The following CTNNA3 variants were observed in gnomAD, a reference collection of about 807,000 sequenced individuals.
CTNNA3 encodes the protein catenin alpha-3.
In CTNNA3, 76 loss-of-function variants were observed where a neutral mutation model predicts 95.7. That is an observed-to-expected ratio of 0.79 (90% CI 0.66 to 0.96). The LOEUF is 0.96. Among genes scored for constraint, CTNNA3 ranks in the 40% least tolerant of loss-of-function variants. The pLI is 0.00. For missense variants in CTNNA3, 1,191 were observed against 1,089.8 expected (o/e 1.09, Z -1.31); for synonymous variants, 431 against 374.4 (o/e 1.15, Z -1.74).
chr10:67,305,745 G>C (rs1464061455), intron 5 of CTNNA3, among the ~76,000 whole-genome samples: 1 of 152,162 alleles, frequency 6.6e-6, no homozygotes, highest in Non-Finnish European at 1.5e-5. Flanking sequence ...AGCTTCATTT[G>C]AGAGATTAGG....
chr10:66,534,787 T>C (rs1434250610), intron 10 of CTNNA3, among the ~76,000 whole-genome samples: 2 of 151,224 alleles, frequency 1.3e-5, no homozygotes, highest in East Asian at 3.9e-4. Flanking sequence ...AAATTAACTA[T>C]ACGAACTTCA....
intron 10 of CTNNA3, among the ~76,000 whole-genome samples, chr10:66,596,619 G>T (rs914155757): frequency 2.4e-4 from 37 of 152,130 alleles, no homozygotes; most frequent in African/African-American, 8.9e-4. Flanking sequence ...TAGAGTGGGT[G>T]CCTCTACATA....
chr10:67,177,343 A>T (rs1372894490), intron 7 of CTNNA3, among the ~76,000 whole-genome samples: 1 of 152,182 alleles, frequency 6.6e-6, no homozygotes, highest in Non-Finnish European at 1.5e-5. Context: ...GCCTGAGACA[A>T]ACATAAGCTG....
At chr10:66,924,101 C>T (rs1846935139) in intron 7 of CTNNA3, among the ~76,000 whole-genome samples, 1 of 152,214 alleles carries the variant, frequency 6.6e-6, no homozygotes, top group Non-Finnish European at 1.5e-5. Flanking sequence ...AAAGCACACA[C>T]TCTTCCATCC....
chr10:67,407,596 T>A (rs1845185652), intron 5 of CTNNA3, among the ~76,000 whole-genome samples: 1 of 152,142 alleles, frequency 6.6e-6, no homozygotes, highest in Admixed American at 6.6e-5. Context: ...AAATAATGTG[T>A]ATTCAAATAG....
intron 5 of CTNNA3, among the ~76,000 whole-genome samples, chr10:67,407,390 A>G (rs996495375): frequency 6.6e-6 from 1 of 152,198 alleles, no homozygotes; most frequent in Non-Finnish European, 1.5e-5. Flanking sequence ...AAAAGCTCTC[A>G]ATAAACTCGG....
intron 7 of CTNNA3, among the ~76,000 whole-genome samples, chr10:66,805,443 T>C (rs1589274471): frequency 6.6e-6 from 1 of 150,734 alleles, no homozygotes; most frequent in Non-Finnish European, 1.5e-5. Context: ...TATGTGTTCA[T>C]GATTTTTTCA....
At chr10:66,386,930 T>A (rs2092898030) in intron 11 of CTNNA3, among the ~76,000 whole-genome samples, 1 of 152,160 alleles carries the variant, frequency 6.6e-6, no homozygotes, top group African/African-American at 2.4e-5. Context: ...CCTTACACCT[T>A]GTACAAAAAT....
At chr10:65,991,921 C>T (rs1265812318) in intron 15 of CTNNA3, among the ~76,000 whole-genome samples, 6 of 151,946 alleles carry the variant, frequency 3.9e-5, no homozygotes, top group Non-Finnish European at 8.8e-5. Context: ...GGGGTATATT[C>T]CTTCTAAATC....
rs550713764 is a variant in CTNNA3 at position 66,821,815 on chromosome 10, T to G, written c.1048-46291A>C. On this transcript the variant is annotated intron_variant, in intron 7 of 17. Transcript: ENST00000433211. ...GTCTTTGCAACGGTTTCCACACCATTTGCTCTAGTCAACCAAAGCACCTTC... is the reference window on the plus strand; with the variant it reads ...GTCTTTGCAACGGTTTCCACACCATGTGCTCTAGTCAACCAAAGCACCTTC... Among the ~76,000 whole-genome samples the G allele has an allele frequency of 4.7e-4, 72 of 152,262 alleles. 1 individual carries two copies. The highest frequency in any genetic ancestry group is 3.7e-3 in the South Asian group (18 of 4,832).
At chr10:66,804,938 C>T (rs1841581985) in intron 7 of CTNNA3, among the ~76,000 whole-genome samples, 1 of 152,020 alleles carries the variant, frequency 6.6e-6, no homozygotes, top group Non-Finnish European at 1.5e-5. Context: ...AAGAGTAGTT[C>T]ACAGTGCCTA....
At chr10:66,826,048 G>T (rs1842495194) in intron 7 of CTNNA3, among the ~76,000 whole-genome samples, 1 of 152,168 alleles carries the variant, frequency 6.6e-6, no homozygotes, top group Non-Finnish European at 1.5e-5. Flanking sequence ...TAGGGGAGGA[G>T]TGAAAGGAAC....
intron 7 of CTNNA3, among the ~76,000 whole-genome samples, chr10:66,983,146 A>T (rs1411346822): frequency 1.3e-5 from 2 of 152,142 alleles, no homozygotes; most frequent in African/African-American, 4.8e-5. Flanking sequence ...CTAATGAGCA[A>T]ATTTTTTTAT....
At chr10:66,294,301 G>A (rs2091739258) in intron 12 of CTNNA3, among the ~76,000 whole-genome samples, 1 of 152,240 alleles carries the variant, frequency 6.6e-6, no homozygotes, top group Middle Eastern at 3.4e-3. Flanking sequence ...CTGTTCCAAT[G>A]AGAGTGTCTC....
chr10:67,237,122 G>GTGTATATATATATA (rs1554810757), intron 5 of CTNNA3, among the ~76,000 whole-genome samples: 1 of 79,610 alleles, frequency 1.3e-5, no homozygotes, highest in African/African-American at 3.4e-5. Flanking sequence ...AAACTATGGT[G>GTGTATATATATATA]TATGTATATA....
intron 7 of CTNNA3, among the ~76,000 whole-genome samples, chr10:66,864,887 GTC>G (rs1165838500): frequency 3.3e-4 from 50 of 152,058 alleles, no homozygotes; most frequent in African/African-American, 1.1e-3. Context: ...AATATAAAAT[GTC>G]TGTTATAAAA....
At chr10:66,891,312 T>C (rs1443773910) in intron 7 of CTNNA3, among the ~76,000 whole-genome samples, 1 of 152,192 alleles carries the variant, frequency 6.6e-6, no homozygotes, top group Non-Finnish European at 1.5e-5. Flanking sequence ...AGGTTAGGCA[T>C]TTCCGTAGAA....
intron 7 of CTNNA3, among the ~76,000 whole-genome samples, chr10:67,091,325 C>T (rs1857620369): frequency 6.6e-6 from 1 of 151,770 alleles, no homozygotes; most frequent in African/African-American, 2.4e-5. Flanking sequence ...AATTTAAAGA[C>T]AGTGTGATAC....
intron 5 of CTNNA3, among the ~76,000 whole-genome samples, chr10:67,495,962 C>T (rs1839010157): frequency 1.3e-5 from 2 of 152,118 alleles, no homozygotes; most frequent in South Asian, 4.1e-4. Context: ...CCTAACATTC[C>T]AACCTCTCTG....
Sources: allele counts gnomAD v4.1 joint callset (sites outside exome capture counted in the v4.1 genomes callset), GRCh38; gene constraint gnomAD v4.1.1; transcripts MANE v1.5; gene names NCBI Gene and HGNC (gene_info 2026-07-23, HGNC 2026-07-21).